Variants in SNX25 observed in about 807,000 individuals in gnomAD.
The protein encoded by SNX25 is sorting nexin-25.
In SNX25, 62 loss-of-function variants were observed where a neutral mutation model predicts 113.7. That is an observed-to-expected ratio of 0.55 (90% confidence interval 0.44 to 0.67). The LOEUF (loss-of-function observed/expected upper bound fraction) is 0.67, where lower values mean the gene tolerates loss of function less well. SNX25 is among the 30% of genes least tolerant of loss of function. SNX25 has a pLI of 0.00. For synonymous variants in SNX25, 421 were observed against 436.2 expected (o/e 0.97, Z 0.43); for missense variants, 1,014 against 1,161.0 (o/e 0.87, Z 1.84).
Position 185,210,878 on chromosome 4 carries a change from G to A in SNX25, c.429+623G>A, listed in dbSNP as rs527236477. Among the ~76,000 whole-genome samples, 196 of 152,280 alleles carry A rather than the reference G, an allele frequency of 1.3e-3. No individual in the cohort carries two copies. The highest frequency in any genetic ancestry group is 4.4e-3 in the African/African-American group (185 of 41,574). On this transcript the variant is annotated intron_variant, in intron 1 of 18. Coordinates refer to ENST00000652585, the MANE Select transcript of SNX25 (RefSeq NM_001378034.2). The surrounding 1 kb of genome is among the most constrained non-coding windows in gnomAD (Gnocchi z 4.4). ...TGCAACAAAAGGAAAGCCATCCTCA[G>A]CGCGCTGTGGGACACTAGGGCGGGG...
chr4:185,285,992 G>A (rs1297293074), intron 5 of SNX25, among the ~76,000 whole-genome samples: 2 of 151,564 alleles, frequency 1.3e-5, no homozygotes, highest in Admixed American at 1.3e-4. Context: ...TTCCCAGGCT[G>A]GTCTCAAACT....
chr4:185,369,620 A>G, intron 11 of SNX25: 1 of 323,758 alleles, frequency 3.1e-6, no homozygotes, highest in South Asian at 2.7e-5. Flanking sequence ...TAAATATCTT[A>G]AAGATCAGTT....
chr4:185,373,947 G>A (rs116278198), downstream of SNX25, among the ~76,000 whole-genome samples: 2,119 of 151,996 alleles, frequency 0.014, 59 homozygotes, highest in African/African-American at 0.049. Flanking sequence ...GGTTTCCTTC[G>A]GTAGAGGTAG....
rs199570597 is a variant in SNX25 at position 185,301,380 on chromosome 4, C to CT, written c.1163-9246dup. Among the ~76,000 whole-genome samples the CT allele has an allele frequency of 2.9e-4, 44 of 151,660 alleles. No individual in the cohort carries two copies. The East Asian group carries it at 7.4e-3, about 25-fold the overall frequency. On this transcript the variant is annotated intron_variant, in intron 6 of 18. Transcript: ENST00000652585. The stretch of plus-strand genomic sequence containing the variant: ...CTCTTCATCTGTATCGTTAGTCAGA[C>CT]TTTTTTTTTATTACCTTTGTTTTGT...
chr4:185,300,222 C>T (rs1252648832), intron 6 of SNX25, among the ~76,000 whole-genome samples: 7 of 151,686 alleles, frequency 4.6e-5, no homozygotes, highest in South Asian at 2.1e-4. Context: ...TGCGATGGCA[C>T]GATCTCAGCT....
chr4:185,293,382 A>C (rs1013242590), intron 6 of SNX25, among the ~76,000 whole-genome samples: 3 of 152,258 alleles, frequency 2.0e-5, no homozygotes, highest in Non-Finnish European at 2.9e-5. Context: ...CAACCAAATC[A>C]CCATCAACAA....
chr4:185,251,599 GTGTGTGTGTGTGTGTGT>G (rs1745662859), intron 2 of SNX25, among the ~76,000 whole-genome samples: 1 of 1,196 alleles, frequency 8.4e-4, no homozygotes, highest in Non-Finnish European at 5.0e-3. Flanking sequence ...ATTCCATTGC[GTGTGTGTGTGTGTGTGT>G]GTGTGTGTGT....
In SNX25 at chr4:185,274,266, G is replaced by T. The variant is rs1397865560; in HGVS notation, c.1091+7111G>T. On this transcript the variant is annotated intron_variant, in intron 5 of 18. Transcript: ENST00000652585. ...AGTAGAGACAGGATTTCACCATATTGGCCAGGCTGGTCTCGAACTCCTGAC... is the reference window on the plus strand; with the variant it reads ...AGTAGAGACAGGATTTCACCATATTTGCCAGGCTGGTCTCGAACTCCTGAC... Among the ~76,000 whole-genome samples, 4 of 152,006 alleles carry T rather than the reference G, an allele frequency of 2.6e-5. No homozygotes were observed. The East Asian group carries it at 7.7e-4, about 29-fold the overall frequency.
chr4:185,325,945 C>T (rs141695101), intron 9 of SNX25, among the ~76,000 whole-genome samples: 205 of 152,242 alleles, frequency 1.3e-3, no homozygotes, highest in African/African-American at 4.7e-3. Context: ...CCATTCCAGT[C>T]GAAGCATGGG....
chr4:185,378,366 C>T, the SNX25 span: 1 of 1,417,408 alleles, frequency 7.1e-7, no homozygotes, highest in East Asian at 2.6e-5. Flanking sequence ...ACATTCTTTA[C>T]TAGGACACCA....
At chr4:185,306,698 T>C (rs1388579881) in intron 6 of SNX25, among the ~76,000 whole-genome samples, 1 of 152,244 alleles carries the variant, frequency 6.6e-6, no homozygotes, top group African/African-American at 2.4e-5. Flanking sequence ...TAGATTAACT[T>C]AAACATTATA....
Position 185,232,118 on chromosome 4 carries a change from G to A in SNX25, c.430-15176G>A, listed in dbSNP as rs958654572. Among the ~76,000 whole-genome samples the A allele has an allele frequency of 9.9e-5, 15 of 152,054 alleles. No individual in the cohort carries two copies. Among genetic ancestry groups the A allele is most frequent in the African/African-American group, 2.7e-4 (11 of 41,382 alleles). ...GTTAATGTGAAAAACACACTCACCC[G>A]TCTAAACCCAAAGAATGGACTCAGA... is the stretch of plus-strand genomic sequence containing the variant. On this transcript the variant is annotated intron_variant, in intron 1 of 18. Transcript: ENST00000652585. The surrounding 1 kb of genome is among the most constrained non-coding windows in gnomAD (Gnocchi z 4.4).
intron 9 of SNX25, among the ~76,000 whole-genome samples, chr4:185,330,348 G>A (rs1345285073): frequency 1.3e-5 from 2 of 152,212 alleles, no homozygotes; most frequent in East Asian, 1.9e-4. Context: ...GGGTTGGAAT[G>A]TTTCTGGTTG....
At chr4:185,354,945 G>T (rs1000230002) in intron 15 of SNX25, among the ~76,000 whole-genome samples, 1 of 152,208 alleles carries the variant, frequency 6.6e-6, no homozygotes, top group Admixed American at 6.5e-5. Flanking sequence ...ATAGTGCAGC[G>T]TCCATGTCCT....
the SNX25 span, chr4:185,375,487 A>AAAAAAAAATATAAATAT: frequency 8.3e-5 from 1 of 12,010 alleles, no homozygotes; most frequent in Non-Finnish European, 1.5e-4. Context: ...AAAAAAAAAA[A>AAAAAAAAATATAAATAT]ATATATATAT....
At chr4:185,308,671 A>G (rs1420691559) in intron 6 of SNX25, among the ~76,000 whole-genome samples, 2 of 152,212 alleles carry the variant, frequency 1.3e-5, no homozygotes, top group Non-Finnish European at 2.9e-5. Flanking sequence ...TGCTGGGGAT[A>G]TAGCAGTGTA....
chr4:185,305,602 A>G (rs958989185), intron 6 of SNX25, among the ~76,000 whole-genome samples: 5 of 152,204 alleles, frequency 3.3e-5, no homozygotes, highest in Non-Finnish European at 5.9e-5. Context: ...GAAGAATTAT[A>G]TCATGGGCAG....
chr4:185,342,071 C>T lies in SNX25; in HGVS notation c.2142C>T (p.Pro714=), dbSNP rs750125703. 3 of 1,607,528 alleles carry T rather than the reference C, an allele frequency of 1.9e-6. No homozygotes were observed. The highest frequency in any genetic ancestry group is 2.5e-6 in the Non-Finnish European group (3 of 1,177,198). ...TTGAAACTAAGAACTGGACGGTCCC[C>T]AGAAGGCTCAGCGAGTTTCAGAATT... is the stretch of plus-strand genomic sequence containing the variant. ...GGVETKNWTV[P]RRLSEFQNLH... The change falls in exon 12 of 19, where the codon CCC becomes CCT. Residue 714 remains proline, a synonymous_variant. Transcript: ENST00000652585.
upstream of SNX25, among the ~76,000 whole-genome samples, chr4:185,207,210 CTTTTTTTTTTT>C (rs34373262): frequency 1.2e-3 from 89 of 76,850 alleles, 1 homozygote; most frequent in African/African-American, 3.9e-3. Flanking sequence ...ACCAGTCACA[CTTTTTTTTTTT>C]TTTTTTTTTT....
Sources: gnomAD v4.1 joint callset for allele counts (sites outside exome capture counted in the v4.1 genomes callset) on GRCh38, gnomAD v4.1.1 for gene constraint, Gnocchi (gnomAD v3.1) non-coding constraint, MANE v1.5 for transcripts, NCBI Gene and HGNC (gene_info 2026-07-23, HGNC 2026-07-21) for gene names.